The following RABGAP1 variants were observed in gnomAD, a reference collection of about 807,000 sequenced individuals.
RABGAP1 encodes RAB GTPase activating protein 1, also known as rab GTPase-activating protein 1.
In RABGAP1, 23 loss-of-function variants were observed where a neutral mutation model predicts 137.6. The observed-to-expected ratio is 0.17, with a 90% CI of 0.12 to 0.24. The LOEUF is 0.24. RABGAP1 is among the 10% of genes least tolerant of loss of function. The pLI is 1.00. For missense variants in RABGAP1, 906 were observed against 1,275.8 expected (o/e 0.71, Z 4.42); for synonymous variants, 451 against 450.7 (o/e 1.00, Z -0.01).
At chr9:123,028,744 T>A (rs2032129049) in intron 13 of RABGAP1, among the ~76,000 whole-genome samples, 1 of 152,214 alleles carries the variant, frequency 6.6e-6, no homozygotes. Flanking sequence ...TAAGGCAGTA[T>A]GCAAAGTGGT....
intron 1 of RABGAP1, among the ~76,000 whole-genome samples, chr9:122,942,567 G>A (rs1833645472): frequency 6.6e-6 from 1 of 150,882 alleles, no homozygotes; most frequent in Admixed American, 6.6e-5. Context: ...CTAATCGGGA[G>A]GCTGAGGCAA....
chr9:122,946,253 A>G (rs1452540552), intron 1 of RABGAP1, among the ~76,000 whole-genome samples: 1 of 152,196 alleles, frequency 6.6e-6, no homozygotes, highest in Non-Finnish European at 1.5e-5. Flanking sequence ...TTCTGCATTT[A>G]TCTTAGACTT....
At position 123,104,409 on chromosome 9, in the gene RABGAP1, A is replaced by G. The variant is rs1356960403; in HGVS notation, c.*1196A>G. On this transcript the variant is annotated 3_prime_UTR_variant, in exon 26 of 26. Transcript: ENST00000373647. ...ACTTCAAAGCTATGGAATGGATTTTAGCACCTTTAAAAAAAAAAAAAACTT... is the reference window on the plus strand; with the variant it reads ...ACTTCAAAGCTATGGAATGGATTTTGGCACCTTTAAAAAAAAAAAAAACTT... 2 of 65,640 alleles carry G rather than the reference A, an allele frequency of 3.0e-5. No individual in the cohort carries two copies. The highest frequency in any genetic ancestry group is 6.1e-5 in the Non-Finnish European group (2 of 32,818). The allele number at this position is 65,640 out of a possible 1,614,324, so 4.1% of individuals were successfully genotyped here.
intron 1 of RABGAP1, among the ~76,000 whole-genome samples, chr9:122,955,976 G>A (rs571646627): frequency 6.6e-6 from 1 of 152,268 alleles, no homozygotes; most frequent in African/African-American, 2.4e-5. Context: ...ATGAAACATT[G>A]CCACAAAGTT....
chr9:123,099,504 G>A lies in RABGAP1; in HGVS notation c.2844G>A (p.Leu948=), dbSNP rs1243470926. 1.2e-6 allele frequency: 2 copies of A among 1,612,636 alleles called. No individual in the cohort carries two copies. Among genetic ancestry groups the A allele is most frequent in the Non-Finnish European group, 1.7e-6 (2 of 1,178,822 alleles). Residue 948 remains leucine (L), a synonymous_variant, in exon 24 of 26, where the codon TTG becomes TTA. Coordinates refer to ENST00000373647, the MANE Select transcript of RABGAP1 (RefSeq NM_012197.4). ...KQICSQLSER[L]EKQQTANKVE... Reference sequence around the variant, plus strand: ...TTTGTTCTCAGTTGAGTGAAAGATTGGAGAAGCAGCAGACAGCCAATAAGG... The same window carrying A: ...TTTGTTCTCAGTTGAGTGAAAGATTAGAGAAGCAGCAGACAGCCAATAAGG...
intron 21 of RABGAP1, among the ~76,000 whole-genome samples, chr9:123,094,378 G>A (rs995753389): frequency 1.1e-4 from 16 of 152,168 alleles, no homozygotes; most frequent in Non-Finnish European, 1.6e-4. Flanking sequence ...TGTTTGCTGA[G>A]AGTTTTTGTC....
At chr9:122,958,541 G>A (rs922957807) in intron 2 of RABGAP1, among the ~76,000 whole-genome samples, 11 of 152,020 alleles carry the variant, frequency 7.2e-5, no homozygotes, top group South Asian at 6.2e-4. Context: ...GGGGCCTGTC[G>A]TGGGGTGGGG....
chr9:123,030,942 CTA>C (rs2032265081), intron 13 of RABGAP1, among the ~76,000 whole-genome samples: 1 of 151,794 alleles, frequency 6.6e-6, no homozygotes, highest in Admixed American at 6.6e-5. Flanking sequence ...TTAAATGTGG[CTA>C]TTAGTCTTTT....
At chr9:123,045,504 A>G (rs1211797223) in intron 13 of RABGAP1, among the ~76,000 whole-genome samples, 1 of 152,178 alleles carries the variant, frequency 6.6e-6, no homozygotes, top group Non-Finnish European at 1.5e-5. Flanking sequence ...AATACTGAGG[A>G]TGTGTATTGT....
chr9:123,000,985 G>A (rs1304310536), intron 10 of RABGAP1, among the ~76,000 whole-genome samples: 5 of 152,104 alleles, frequency 3.3e-5, no homozygotes, highest in Admixed American at 2.6e-4. Flanking sequence ...CCAAAGTGCT[G>A]GGATAACAGG....
chr9:122,937,638 A>T (rs1833407273), upstream of RABGAP1: 1 of 151,646 alleles, frequency 6.6e-6, no homozygotes, highest in African/African-American at 2.4e-5. Context: ...AAAGGAAGAC[A>T]TGAACAAAGT....
chr9:123,066,007 A>C (rs1343340263), intron 14 of RABGAP1, among the ~76,000 whole-genome samples: 4 of 152,362 alleles, frequency 2.6e-5, no homozygotes, highest in African/African-American at 9.6e-5. Context: ...CTATTGGGTT[A>C]TAAAAGGAGG....
chr9:123,028,648 T>C (rs2032122775), intron 13 of RABGAP1, among the ~76,000 whole-genome samples: 1 of 152,214 alleles, frequency 6.6e-6, no homozygotes, highest in South Asian at 2.1e-4. Flanking sequence ...AACAGATCTT[T>C]GAAAGCTTCA....
intron 2 of RABGAP1, among the ~76,000 whole-genome samples, chr9:122,963,055 C>G (rs946231724): frequency 2.6e-5 from 4 of 152,060 alleles, no homozygotes; most frequent in African/African-American, 9.7e-5. Flanking sequence ...TATCTAATAA[C>G]CAAGCACCAA....
chr9:123,078,742 C>G (rs1360359217), intron 19 of RABGAP1, among the ~76,000 whole-genome samples: 1 of 152,152 alleles, frequency 6.6e-6, no homozygotes, highest in African/African-American at 2.4e-5. Context: ...AAAAACCTTG[C>G]TGTCCTCTTG....
chr9:122,996,719 C>T (rs1837039009), intron 8 of RABGAP1, 114 bp downstream of exon 8: 1 of 880,242 alleles, frequency 1.1e-6, no homozygotes, highest in Non-Finnish European at 1.7e-6. Flanking sequence ...ATCTTGTAAG[C>T]TATAAAGACA....
At chr9:122,936,388 A>C (rs1833388010), upstream of RABGAP1, among the ~76,000 whole-genome samples, 1 of 152,186 alleles carries the variant, frequency 6.6e-6, no homozygotes, top group Non-Finnish European at 1.5e-5. Flanking sequence ...CCTAGACAAC[A>C]GTTCTACCAG....
In RABGAP1 at chr9:123,103,825, C is replaced by T. The variant is rs79929554; in HGVS notation, c.*612C>T. 5.6e-3 allele frequency: 853 copies of T among 151,490 alleles called. 23 individuals carry two copies. In the East Asian group the frequency reaches 0.062, roughly 11 times the overall value. The allele number at this position is 151,490 out of a possible 1,614,324, so 9.4% of individuals were successfully genotyped here. A position where few individuals can be genotyped will look rare whatever the true frequency, so the allele number is the denominator to read the frequency against. ...TTTGGGTTTGGCATTATTCATGTTTCTGATCAATTCTATGCAACTCTCATA... is the reference window on the plus strand; with the variant it reads ...TTTGGGTTTGGCATTATTCATGTTTTTGATCAATTCTATGCAACTCTCATA... On this transcript the variant is annotated 3_prime_UTR_variant, in exon 26 of 26. Transcript: ENST00000373647.
At position 123,103,981 on chromosome 9, in the gene RABGAP1, G is replaced by GTGTT. The variant is rs1217480539; in HGVS notation, c.*771_*772insTTGT. On this transcript the variant is annotated 3_prime_UTR_variant, in exon 26 of 26. Coordinates refer to ENST00000373647, the MANE Select transcript of RABGAP1 (RefSeq NM_012197.4). ...AATGTGTTTGTGTGTGTGTGTGTGT[G>GTGTT]TGTGTGTGTGTGTGTATGTATATAT... The GTGTT allele has an allele frequency of 3.1e-4, 18 of 57,960 alleles. No homozygotes were observed. The highest frequency in any genetic ancestry group is 2.2e-3 in the Admixed American group (16 of 7,276). The allele number at this position is 57,960 out of a possible 1,614,324, so 3.6% of individuals were successfully genotyped here.
Sources: allele counts gnomAD v4.1 joint callset (sites outside exome capture counted in the v4.1 genomes callset), GRCh38; gene constraint gnomAD v4.1.1; transcripts MANE v1.5; gene names NCBI Gene and HGNC (gene_info 2026-07-23, HGNC 2026-07-21).